The following IMP3 variants were observed in gnomAD, a reference collection of about 807,000 sequenced individuals.
The protein encoded by IMP3 is IMP U3 small nucleolar ribonucleoprotein 3, also known as U3 small nucleolar ribonucleoprotein IMP3.
IMP3 carries 17 observed loss-of-function variants against 10.2 expected under a neutral mutation model. That is an observed-to-expected ratio of 1.67 (90% CI 1.14 to 2.50). The LOEUF (loss-of-function observed/expected upper bound fraction) is 2.50. Ranked by LOEUF, IMP3 falls within the 30% of genes most tolerant of loss-of-function variation. The pLI, the probability that IMP3 is intolerant of heterozygous loss-of-function variation, is 0.00. For missense variants in IMP3, 290 were observed against 260.2 expected, an observed-to-expected ratio of 1.11 and a Z score of -0.79; for synonymous variants, 167 against 120.1, an observed-to-expected ratio of 1.39 and a Z score of -2.55.
Position 75,639,530 on chromosome 15 carries a change from G to A in IMP3, c.*84C>T. 7.7e-7 allele frequency: 1 copy of A among 1,293,972 alleles called. No individual in the cohort carries two copies. The highest frequency in any genetic ancestry group is 1.1e-6 in the Non-Finnish European group (1 of 900,060). 80.2% of individuals were successfully genotyped at this position (1,293,972 alleles called of 1,614,324 possible). A position where few individuals can be genotyped will look rare whatever the true frequency, so the allele number is the denominator to read the frequency against. The stretch of plus-strand genomic sequence containing the variant: ...GAACCTACGACCGTCTGATACCCTT[G>A]AGGAGAGCACCCTCATAGAATCTCC... On this transcript the variant is annotated 3_prime_UTR_variant, in exon 1 of 1. Coordinates refer to ENST00000403490, the MANE Select transcript of IMP3 (RefSeq NM_018285.4).
Position 75,639,942 on chromosome 15 carries a change from G to T in IMP3, c.227C>A (p.Ser76Ter), listed in dbSNP as rs746193463. 6.2e-7 allele frequency: 1 copy of T among 1,606,992 alleles called. No homozygotes were observed. Among genetic ancestry groups the T allele is most frequent in the East Asian group, 2.2e-5 (1 of 44,590 alleles). ...ATACAGCTTGTCCAGCAGCGCGGCC[G>T]AAGCGCGCACGCGGAACTGGTCGCG... ...PERDQFRVRA[S>*]AALLDKLYAL... Residue 76 changes from serine to a stop codon, truncating the protein, a stop_gained, in exon 1 of 1, where the codon TCG becomes TAG. Coordinates refer to ENST00000403490, the MANE Select transcript of IMP3 (RefSeq NM_018285.4). LOFTEE classifies it high-confidence loss of function.
Position 75,640,222 on chromosome 15 carries a change from C to A in IMP3, c.-54G>T. On this transcript the variant is annotated 5_prime_UTR_variant, in exon 1 of 1. Coordinates refer to ENST00000403490, the MANE Select transcript of IMP3 (RefSeq NM_018285.4). ...GAAGCTGAGAGCGCGTTCTGGCATC[C>A]GCGCGATTTCCGCCGCGGCGCCCCA... 1 of 1,464,540 alleles carries A rather than the reference C, an allele frequency of 6.8e-7. No homozygotes were observed. Among genetic ancestry groups the A allele is most frequent in the Non-Finnish European group, 9.0e-7 (1 of 1,108,652 alleles). The allele number at this position is 1,464,540 out of a possible 1,614,324, so 90.7% of individuals were successfully genotyped here.
rs1316654097 is a variant in IMP3 at position 75,640,160 on chromosome 15, C to T, written c.9G>A (p.Arg3=). 1 of 1,530,728 alleles carries T rather than the reference C, an allele frequency of 6.5e-7. No individual in the cohort carries two copies. The highest frequency in any genetic ancestry group is 1.4e-5 in the African/African-American group (1 of 71,814). 94.8% of individuals were successfully genotyped at this position (1,530,728 alleles called of 1,614,324 possible). A position where few individuals can be genotyped will look rare whatever the true frequency, so the allele number is the denominator to read the frequency against. MV[R]KLKFHEQKLL... is the part of the protein sequence containing the mutation. ...GCTTCTGCTCGTGGAACTTAAGCTT[C>T]CGCACCATGATGGCGGCAGCCGCAG... The change falls in exon 1 of 1, where the codon CGG becomes CGA. Residue 3 remains arginine, a synonymous_variant. Coordinates refer to ENST00000403490, the MANE Select transcript of IMP3 (RefSeq NM_018285.4).
At position 75,639,731 on chromosome 15, in the gene IMP3, G is replaced by A; in HGVS notation, c.438C>T (p.Pro146=). Residue 146 remains proline, a synonymous_variant, in exon 1 of 1, where the codon CCC becomes CCT. Transcript: ENST00000403490. ...CCATGCTGCGCGTGACAAGGAAGGC[G>A]GGGTCGGTAACCACGTCAGGGCCCA... ...VRVGPDVVTD[P]AFLVTRSMED... 1 of 1,613,750 alleles carries A rather than the reference G, an allele frequency of 6.2e-7. No individual in the cohort carries two copies. Among genetic ancestry groups the A allele is most frequent in the South Asian group, 1.1e-5 (1 of 91,084 alleles).
In IMP3 at chr15:75,639,976, G is replaced by C. The variant is rs11556261; in HGVS notation, c.193C>G (p.Leu65Val). 1 of 1,603,682 alleles carries C rather than the reference G, an allele frequency of 6.2e-7. No individual in the cohort carries two copies. The highest frequency in any genetic ancestry group is 8.5e-7 in the Non-Finnish European group (1 of 1,175,738). The change falls in exon 1 of 1, where the codon CTG becomes GTG. Residue 65 changes from leucine to valine, a missense_variant. Coordinates refer to ENST00000403490, the MANE Select transcript of IMP3 (RefSeq NM_018285.4). ...ACGCGGAACTGGTCGCGTTCGGGCA[G>C]GTCGCGCAGGCGCCGCGCCAGCTCA... is the stretch of plus-strand genomic sequence containing the variant. ...VRELARRLRD[L>V]PERDQFRVRA...
Position 75,639,858 on chromosome 15 carries a change from G to T in IMP3, c.311C>A (p.Ser104Ter). Reference sequence around the variant, plus strand: ...GGGGAGGCGGCGGCGGCAGAAGGACGAGGCCGTGACGAAGTCGCAGAGCTC... The same window carrying T: ...GGGGAGGCGGCGGCGGCAGAAGGACTAGGCCGTGACGAAGTCGCAGAGCTC... Reference protein sequence around the residue: ...SLELCDFVTASSFCRRRLPTV... With the variant: ...SLELCDFVTA The change falls in exon 1 of 1, where the codon TCG becomes TAG. Residue 104 changes from serine to a stop codon, truncating the protein, a stop_gained. Coordinates refer to ENST00000403490, the MANE Select transcript of IMP3 (RefSeq NM_018285.4). LOFTEE classifies it high-confidence loss of function. 2 of 1,611,544 alleles carry T rather than the reference G, an allele frequency of 1.2e-6. No individual in the cohort carries two copies. The highest frequency in any genetic ancestry group is 1.7e-6 in the Non-Finnish European group (2 of 1,179,278).
At position 75,639,878 on chromosome 15, in the gene IMP3, G is replaced by C; in HGVS notation, c.291C>G (p.Leu97=). 1.9e-6 allele frequency: 3 copies of C among 1,611,536 alleles called. No individual in the cohort carries two copies. Among genetic ancestry groups the C allele is most frequent in the Non-Finnish European group, 2.5e-6 (3 of 1,179,360 alleles). ...GLVPTRGSLE[L]CDFVTASSFC... is the part of the protein sequence containing the mutation. ...AGGACGAGGCCGTGACGAAGTCGCA[G>C]AGCTCCAGCGAACCGCGCGTGGGCA... Residue 97 remains leucine (L), a synonymous_variant, in exon 1 of 1, where the codon CTC becomes CTG. Transcript: ENST00000403490.
rs1158913881 is a variant in IMP3, at chr15:75,639,602, G to A, written c.*12C>T. 4 of 1,610,942 alleles carry A rather than the reference G, an allele frequency of 2.5e-6. No individual in the cohort carries two copies. Among genetic ancestry groups the A allele is most frequent in the Non-Finnish European group, 3.4e-6 (4 of 1,177,792 alleles). The stretch of plus-strand genomic sequence containing the variant: ...CATCTGTAAAAGACAGCCATGCAAA[G>A]TGGGAGATCCGCTAGGCTTCCAGAT... On this transcript the variant is annotated 3_prime_UTR_variant, in exon 1 of 1. Coordinates refer to ENST00000403490, the MANE Select transcript of IMP3 (RefSeq NM_018285.4).
In IMP3 at chr15:75,639,975, A is replaced by T; in HGVS notation, c.194T>A (p.Leu65Gln). 3 of 1,603,706 alleles carry T rather than the reference A, an allele frequency of 1.9e-6. 1 individual carries two copies. Among genetic ancestry groups the T allele is most frequent in the Non-Finnish European group, 8.5e-7 (1 of 1,175,702 alleles). Residue 65 changes from leucine to glutamine, a missense_variant, in exon 1 of 1, where the codon CTG becomes CAG. Coordinates refer to ENST00000403490, the MANE Select transcript of IMP3 (RefSeq NM_018285.4). ...CACGCGGAACTGGTCGCGTTCGGGC[A>T]GGTCGCGCAGGCGCCGCGCCAGCTC... Reference protein sequence around the residue: ...VRELARRLRDLPERDQFRVRA... With the variant: ...VRELARRLRDQPERDQFRVRA...
At position 75,639,921 on chromosome 15, in the gene IMP3, A is replaced by C; in HGVS notation, c.248T>G (p.Leu83Arg). The change falls in exon 1 of 1, where the codon CTG (leucine) becomes CGG (arginine). Residue 83 changes from leucine (L) to arginine (R), a missense_variant. By Grantham distance (102) the Leu-to-Arg change is moderately radical. Coordinates refer to ENST00000403490, the MANE Select transcript of IMP3 (RefSeq NM_018285.4). ...VRASAALLDK[L>R]YALGLVPTRG... ...CGTGGGCACCAAGCCGAGAGCATAC[A>C]GCTTGTCCAGCAGCGCGGCCGAAGC... 1 of 1,609,912 alleles carries C rather than the reference A, an allele frequency of 6.2e-7. No homozygotes were observed. Among genetic ancestry groups the C allele is most frequent in the Non-Finnish European group, 8.5e-7 (1 of 1,178,670 alleles).
In IMP3 at chr15:75,639,517, G is replaced by A; in HGVS notation, c.*97C>T. On this transcript the variant is annotated 3_prime_UTR_variant, in exon 1 of 1. Coordinates refer to ENST00000403490, the MANE Select transcript of IMP3 (RefSeq NM_018285.4). ...ATCAAATTCTTAAGAACCTACGACC[G>A]TCTGATACCCTTGAGGAGAGCACCC... is the stretch of plus-strand genomic sequence containing the variant. 3 of 1,118,894 alleles carry A rather than the reference G, an allele frequency of 2.7e-6. No homozygotes were observed. Among genetic ancestry groups the A allele is most frequent in the Middle Eastern group, 2.2e-4 (1 of 4,630 alleles). The allele number at this position is 1,118,894 out of a possible 1,614,324, so 69.3% of individuals were successfully genotyped here.
In IMP3 at chr15:75,639,413, G is replaced by A. The variant is rs554821955; in HGVS notation, c.*201C>T. 3.1e-5 allele frequency: 18 copies of A among 589,472 alleles called. No individual in the cohort carries two copies. The African/African-American group carries it at 3.2e-4, about 10-fold the overall frequency. The allele number at this position is 589,472 out of a possible 1,614,324, so 36.5% of individuals were successfully genotyped here. ...CCAAGGCACAGTCAATTAATAATCA[G>A]TAGTCCAAGTTCTAAGAACATTCCC... On this transcript the variant is annotated 3_prime_UTR_variant, in exon 1 of 1. Coordinates refer to ENST00000403490, the MANE Select transcript of IMP3 (RefSeq NM_018285.4).
rs1278723314 is a variant in IMP3, at chr15:75,639,940, C to T, written c.229G>A (p.Ala77Thr). The T allele has an allele frequency of 3.7e-6, 6 of 1,607,138 alleles. No individual in the cohort carries two copies. The South Asian group carries it at 5.5e-5, about 15-fold the overall frequency. The change falls in exon 1 of 1, where the codon GCC (alanine) becomes ACC (threonine). Residue 77 changes from alanine (A) to threonine (T), a missense_variant. Ala to Thr is a moderately conservative substitution (Grantham distance 58, BLOSUM62 0). Coordinates refer to ENST00000403490, the MANE Select transcript of IMP3 (RefSeq NM_018285.4). ...ERDQFRVRAS[A>T]ALLDKLYALG... ...GCATACAGCTTGTCCAGCAGCGCGGCCGAAGCGCGCACGCGGAACTGGTCG... is the reference window on the plus strand; with the variant it reads ...GCATACAGCTTGTCCAGCAGCGCGGTCGAAGCGCGCACGCGGAACTGGTCG...
Position 75,639,525 on chromosome 15 carries a change from C to T in IMP3, c.*89G>A. 8.2e-7 allele frequency: 1 copy of T among 1,218,152 alleles called. No individual in the cohort carries two copies. Among genetic ancestry groups the T allele is most frequent in the Non-Finnish European group, 1.2e-6 (1 of 834,370 alleles). The allele number at this position is 1,218,152 out of a possible 1,614,324, so 75.5% of individuals were successfully genotyped here. A position where few individuals can be genotyped will look rare whatever the true frequency, so the allele number is the denominator to read the frequency against. Reference sequence around the variant, plus strand: ...CTTAAGAACCTACGACCGTCTGATACCCTTGAGGAGAGCACCCTCATAGAA... The same window carrying T: ...CTTAAGAACCTACGACCGTCTGATATCCTTGAGGAGAGCACCCTCATAGAA... On this transcript the variant is annotated 3_prime_UTR_variant, in exon 1 of 1. Transcript: ENST00000403490.
In IMP3 at chr15:75,640,073, G is replaced by T. The variant is rs754155337; in HGVS notation, c.96C>A (p.Arg32=). The part of the protein sequence containing the change: ...EVTDHNLHEL[R]VLRRYRLQRR... ...GCTGCAGCCGGTAACGCCGCAGCAC[G>T]CGCAGCTCGTGCAGGTTGTGGTCGG... The change falls in exon 1 of 1, where the codon CGC becomes CGA. Residue 32 remains arginine (R), a synonymous_variant. Coordinates refer to ENST00000403490, the MANE Select transcript of IMP3 (RefSeq NM_018285.4). 1.2e-6 allele frequency: 2 copies of T among 1,608,966 alleles called. No individual in the cohort carries two copies. Among genetic ancestry groups the T allele is most frequent in the Admixed American group, 1.7e-5 (1 of 59,818 alleles).
Position 75,639,299 on chromosome 15 carries a change from T to C in IMP3, c.*315A>G. 2.8e-6 allele frequency: 1 copy of C among 352,706 alleles called. No individual in the cohort carries two copies. The highest frequency in any genetic ancestry group is 2.9e-5 in the South Asian group (1 of 34,448). The allele number at this position is 352,706 out of a possible 1,614,324, so 21.8% of individuals were successfully genotyped here. ...GATAAAGGGAAACAGGGCGTGGGGA[T>C]TTCCAGTTTTTCCTTTTACATTACA... is the stretch of plus-strand genomic sequence containing the variant. On this transcript the variant is annotated 3_prime_UTR_variant, in exon 1 of 1. Coordinates refer to ENST00000403490, the MANE Select transcript of IMP3 (RefSeq NM_018285.4).
Position 75,640,135 on chromosome 15 carries a change from G to A in IMP3, c.34C>T (p.Leu12=). Residue 12 remains leucine (L), a synonymous_variant, in exon 1 of 1, where the codon CTG becomes TTG. Transcript: ENST00000403490. ...VRKLKFHEQK[L]LKQVDFLNWE... ...TTCAGGAAGTCCACCTGCTTCAGCAGCTTCTGCTCGTGGAACTTAAGCTTC... is the reference window on the plus strand; with the variant it reads ...TTCAGGAAGTCCACCTGCTTCAGCAACTTCTGCTCGTGGAACTTAAGCTTC... The A allele has an allele frequency of 1.9e-6, 3 of 1,565,982 alleles. No individual in the cohort carries two copies. Among genetic ancestry groups the A allele is most frequent in the South Asian group, 2.3e-5 (2 of 86,656 alleles).
chr15:75,639,549 A>C lies in IMP3; in HGVS notation c.*65T>G. ...ACCCTTGAGGAGAGCACCCTCATAG[A>C]ATCTCCAGCATCAGGCCTCAGTTTT... is the stretch of plus-strand genomic sequence containing the variant. On this transcript the variant is annotated 3_prime_UTR_variant, in exon 1 of 1. Transcript: ENST00000403490. 2 of 1,452,226 alleles carry C rather than the reference A, an allele frequency of 1.4e-6. No homozygotes were observed. Among genetic ancestry groups the C allele is most frequent in the South Asian group, 2.3e-5 (2 of 86,956 alleles). 90.0% of individuals were successfully genotyped at this position (1,452,226 alleles called of 1,614,324 possible). A position where few individuals can be genotyped will look rare whatever the true frequency, so the allele number is the denominator to read the frequency against.
Position 75,639,638 on chromosome 15 carries a change from G to C in IMP3, c.531C>G (p.Arg177=), listed in dbSNP as rs370385015. 1.9e-4 allele frequency: 309 copies of C among 1,613,716 alleles called. No homozygotes were observed. The highest frequency in any genetic ancestry group is 2.4e-4 in the Non-Finnish European group (282 of 1,180,038). The change falls in exon 1 of 1, where the codon CGC becomes CGG. Residue 177 remains arginine (R), a synonymous_variant. Transcript: ENST00000403490. ...GCTAGGCTTCCAGATCGAAGTCATC[G>C]CGCTCCTCATTGTACTCTAGCACGT... ...KRHVLEYNEE[R]DDFDLEA
Sources: gnomAD v4.1 joint callset for allele counts on GRCh38, gnomAD v4.1.1 for gene constraint, MANE v1.5 for transcripts, NCBI Gene and HGNC (gene_info 2026-07-23, HGNC 2026-07-21) for gene names.